TCF4: variants seen among roughly 807,000 people sequenced by gnomAD.
The protein encoded by TCF4 is SL3-3 enhancer factor 2.
Under a neutral mutation model 82.1 loss-of-function variants are expected in TCF4, and 3 were observed. The observed-to-expected ratio is 0.04, with a 90% CI of 0.02 to 0.09. The LOEUF is 0.09. TCF4 is among the 10% of genes least tolerant of loss of function. TCF4 has a pLI of 1.00. For synonymous variants in TCF4, 276 were observed against 309.6 expected (o/e 0.89, Z 1.14); for missense variants, 518 against 852.7 (o/e 0.61, Z 4.89).
In TCF4 at chr18:55,473,152, G is replaced by T. The variant is rs375406072; in HGVS notation, c.146-9015C>A. Among the ~76,000 whole-genome samples, 5 of 152,214 alleles carry T rather than the reference G, an allele frequency of 3.3e-5. No homozygotes were observed. The East Asian group carries it at 7.7e-4, about 23-fold the overall frequency. On this transcript the variant is annotated intron_variant, in intron 3 of 19. Transcript: ENST00000354452. ...TTTATTGAATTTATTCTTGGGAGAG[G>T]TTAGCCAACATGAAACATGGAACTG...
intron 8 of TCF4, among the ~76,000 whole-genome samples, chr18:55,315,817 T>A (rs535343983): frequency 1.7e-3 from 262 of 152,270 alleles, no homozygotes; most frequent in Non-Finnish European, 3.1e-3. Context: ...TATACAAGTA[T>A]CTTTTCCACT....
chr18:55,448,613 G>A (rs1040771507), intron 5 of TCF4, among the ~76,000 whole-genome samples: 9 of 152,318 alleles, frequency 5.9e-5, no homozygotes, highest in Admixed American at 4.6e-4. Flanking sequence ...ACTTAGGGGA[G>A]GCATCTATCT....
chr18:55,359,069 G>C (rs1000172336), intron 6 of TCF4, among the ~76,000 whole-genome samples: 4 of 152,142 alleles, frequency 2.6e-5, no homozygotes, highest in Admixed American at 1.3e-4. Flanking sequence ...TGGTATATAA[G>C]TCATGCATAG....
chr18:55,476,141 A>C (rs1490461135), intron 3 of TCF4, among the ~76,000 whole-genome samples: 1 of 151,838 alleles, frequency 6.6e-6, no homozygotes, highest in Non-Finnish European at 1.5e-5. Context: ...CATGACACAG[A>C]AAAATTTAGT....
chr18:55,341,734 A>G (rs1316671922), intron 8 of TCF4, among the ~76,000 whole-genome samples: 1 of 152,194 alleles, frequency 6.6e-6, no homozygotes, highest in Non-Finnish European at 1.5e-5. Flanking sequence ...TATCTAAAAC[A>G]TATCCCTCAC....
intron 2 of TCF4, among the ~76,000 whole-genome samples, chr18:55,595,609 G>T (rs555737129): frequency 6.6e-6 from 1 of 152,276 alleles, no homozygotes; most frequent in South Asian, 2.1e-4. Flanking sequence ...CCTGCTTTTA[G>T]ATGGTTTGGG....
chr18:55,539,762 A>G (rs2097149132), intron 3 of TCF4, among the ~76,000 whole-genome samples: 1 of 152,172 alleles, frequency 6.6e-6, no homozygotes, highest in Non-Finnish European at 1.5e-5. Context: ...TCATAATGAA[A>G]AGATAAGTTT....
intron 8 of TCF4, chr18:55,321,591 A>C: frequency 2.0e-6 from 3 of 1,533,568 alleles, no homozygotes; most frequent in Non-Finnish European, 2.6e-6. Context: ...CTTTGCAAAC[A>C]ATGATCACCA....
At chr18:55,437,973 G>A (rs560080207) in intron 5 of TCF4, among the ~76,000 whole-genome samples, 21 of 152,262 alleles carry the variant, frequency 1.4e-4, no homozygotes, top group Admixed American at 1.0e-3. Context: ...GGCCAAGGTG[G>A]GCGGATCACT....
intron 3 of TCF4, among the ~76,000 whole-genome samples, chr18:55,577,099 T>C (rs1228342427): frequency 6.8e-6 from 1 of 146,606 alleles, no homozygotes; most frequent in Non-Finnish European, 1.5e-5. Context: ...TACATTTATA[T>C]ATTTATATAT....
chr18:55,297,170 T>TA (rs199552438), intron 8 of TCF4, among the ~76,000 whole-genome samples: 14,134 of 96,968 alleles, frequency 0.15, 1,090 homozygotes, highest in Non-Finnish European at 0.19. Flanking sequence ...TTTTTTTTTT[T>TA]ATCCCTTAGG....
chr18:55,519,858 C>T (rs923450092), intron 3 of TCF4, among the ~76,000 whole-genome samples: 4 of 152,076 alleles, frequency 2.6e-5, no homozygotes, highest in Admixed American at 2.6e-4. Context: ...TGAAAGTACT[C>T]CATAAAAAAT....
rs374155330 is a variant in TCF4, at chr18:55,322,092, C to CT, written c.549+28266dup. 9.8e-3 allele frequency: 9,150 copies of CT among 934,480 alleles called. 21 individuals carry two copies. Among genetic ancestry groups the CT allele is most frequent in the Middle Eastern group, 0.019 (39 of 2,040 alleles). The allele number at this position is 934,480 out of a possible 1,614,324, so 57.9% of individuals were successfully genotyped here. ...GTCTTCACTTTTTTCTTTTTCTTTTCTTTTTTTTTTTCCTTTTTTTTTTTT... is the reference window on the plus strand; with the variant it reads ...GTCTTCACTTTTTTCTTTTTCTTTTCTTTTTTTTTTTTCCTTTTTTTTTTTT... On this transcript the variant is annotated intron_variant, in intron 8 of 19. Coordinates refer to ENST00000354452, the MANE Select transcript of TCF4 (RefSeq NM_001083962.2).
At chr18:55,456,990 A>T (rs112054272) in intron 5 of TCF4, among the ~76,000 whole-genome samples, 1,572 of 152,364 alleles carry the variant, frequency 0.01, 33 homozygotes, top group African/African-American at 0.036. Flanking sequence ...GATATAAAAC[A>T]ATGCATGGAA....
intron 5 of TCF4, among the ~76,000 whole-genome samples, chr18:55,428,464 T>C (rs897055179): frequency 1.2e-4 from 19 of 152,218 alleles, no homozygotes; most frequent in Admixed American, 1.3e-4. Flanking sequence ...TAAATTCAAC[T>C]GTCTACTTCA....
chr18:55,302,070 C>T (rs1271541873), intron 8 of TCF4, among the ~76,000 whole-genome samples: 1 of 152,196 alleles, frequency 6.6e-6, no homozygotes, highest in Non-Finnish European at 1.5e-5. Flanking sequence ...GGCCTATTAA[C>T]TCCGTCCGTT....
At chr18:55,408,465 C>A (rs10503001) in intron 5 of TCF4, among the ~76,000 whole-genome samples, 12,697 of 152,186 alleles carry the variant, frequency 0.083, 1,217 homozygotes, top group African/African-American at 0.23. Context: ...AGGACTAGTT[C>A]ATTAAACAAC....
At chr18:55,260,104 C>A in intron 12 of TCF4, 77 bp from the exon 13 acceptor site, 1 of 1,090,288 alleles carries the variant, frequency 9.2e-7, no homozygotes, top group South Asian at 1.3e-5. Flanking sequence ...ACGAAGTTGT[C>A]AACGCAATTC....
intron 3 of TCF4, among the ~76,000 whole-genome samples, chr18:55,572,841 G>T (rs1321861176): frequency 6.6e-6 from 1 of 152,130 alleles, no homozygotes; most frequent in African/African-American, 2.4e-5. Context: ...ATCACCTGAG[G>T]TCGGGAGTTC....
Sources: allele counts gnomAD v4.1 joint callset (sites outside exome capture counted in the v4.1 genomes callset), GRCh38; gene constraint gnomAD v4.1.1; transcripts MANE v1.5; gene names NCBI Gene and HGNC (gene_info 2026-07-23, HGNC 2026-07-21).